LEAP2: variants seen among roughly 807,000 people sequenced by gnomAD.
LEAP2 encodes the protein liver enriched antimicrobial peptide 2, also known as liver-expressed antimicrobial peptide 2.
A neutral mutation model predicts 9.3 loss-of-function variants in LEAP2; 13 were observed. That is an observed-to-expected ratio of 1.39 (90% CI 0.91 to 2.21). The LOEUF (loss-of-function observed/expected upper bound fraction) is 2.21, where lower values mean the gene tolerates loss of function less well. Ranked by LOEUF, LEAP2 falls within the 30% of genes most tolerant of loss-of-function variation. The pLI is 0.00. For synonymous variants in LEAP2, 34 were observed against 34.9 expected (o/e 0.98, Z 0.09); for missense variants, 98 against 94.0 (o/e 1.04, Z -0.17).
Position 132,874,451 on chromosome 5 carries a change from C to T in LEAP2, c.*5C>T, listed in dbSNP as rs1003927671. On this transcript the variant is annotated 3_prime_UTR_variant, in exon 3 of 3. Coordinates refer to ENST00000296877, the MANE Select transcript of LEAP2 (RefSeq NM_052971.3). ...TTAAGTGTGGCCCAGGAATGATGTA[C>T]ATACCAGGGAAAGAAAGGACAGCAG... 3 of 1,612,576 alleles carry T rather than the reference C, an allele frequency of 1.9e-6. No homozygotes were observed. Among genetic ancestry groups the T allele is most frequent in the Non-Finnish European group, 2.5e-6 (3 of 1,178,604 alleles).
chr5:132,873,860 C>A, intron 1 of LEAP2, 90 bp from the exon 2 acceptor site: 2 of 1,589,662 alleles, frequency 1.3e-6, no homozygotes, highest in South Asian at 2.2e-5. Flanking sequence ...TGTTCTGAGT[C>A]TACAGCATCT....
Position 132,874,062 on chromosome 5 carries a change from A to C in LEAP2, c.170A>C (p.Asp57Ala), listed in dbSNP as rs180703491. The C allele has an allele frequency of 6.2e-7, 1 of 1,613,976 alleles. No homozygotes were observed. The highest frequency in any genetic ancestry group is 2.2e-5 in the East Asian group (1 of 44,870). ...CCTATTGGAGCCTCCTGCCGGGATG[A>C]TTCTGAGTGTATCACAAGGCTATGC... ...LRPIGASCRD[D>A]SECITRLCRK... The change falls in exon 2 of 3, where the codon GAT becomes GCT. Residue 57 changes from aspartate (D) to alanine (A), a missense_variant. Physicochemically the swap from Asp to Ala is moderately radical, Grantham distance 126 (BLOSUM62 -2). Transcript: ENST00000296877.
chr5:132,874,298 T>TA, intron 2 of LEAP2, 112 bp from the exon 3 acceptor site: 1 of 1,075,548 alleles, frequency 9.3e-7, no homozygotes, highest in South Asian at 1.3e-5. Context: ...TTTCCATTCT[T>TA]CAGTCTTTCC....
At position 132,873,812 on chromosome 5, in the gene LEAP2, A is replaced by G. The variant is rs1759775012; in HGVS notation, c.57+61A>G. ...GTGTGGAGATGATAGTGGTGGTGGA[A>G]CTTGAAAGCTAGATTCAGTCCTGAG... On this transcript the variant is annotated intron_variant, in intron 1 of 2. Coordinates refer to ENST00000296877, the MANE Select transcript of LEAP2 (RefSeq NM_052971.3). 2.5e-6 allele frequency: 4 copies of G among 1,582,474 alleles called. No individual in the cohort carries two copies. In the East Asian group the frequency reaches 8.9e-5, roughly 35 times the overall value.
chr5:132,874,013 T>C lies in LEAP2; in HGVS notation c.121T>C (p.Phe41Leu), dbSNP rs750232511. Residue 41 changes from phenylalanine (F) to leucine (L), a missense_variant, in exon 2 of 3, where the codon TTT becomes CTT. Transcript: ENST00000296877. ...AKRRPRRMTP[F>L]WRGVSLRPIG... is the part of the protein sequence containing the mutation. Reference sequence around the variant, plus strand: ...GAGAAGGCCACGGAGAATGACCCCATTTTGGAGAGGGGTTTCCCTCAGGCC... The same window carrying C: ...GAGAAGGCCACGGAGAATGACCCCACTTTGGAGAGGGGTTTCCCTCAGGCC... 10 of 1,613,758 alleles carry C rather than the reference T, an allele frequency of 6.2e-6. No individual in the cohort carries two copies. The highest frequency in any genetic ancestry group is 1.3e-5 in the African/African-American group (1 of 74,888).
chr5:132,874,279 A>G (rs1759785440), intron 2 of LEAP2, 131 bp from the exon 3 acceptor site: 2 of 989,594 alleles, frequency 2.0e-6, no homozygotes, highest in South Asian at 1.4e-5. Flanking sequence ...ACCATGAAAG[A>G]GTGGTGCCTT....
intron 1 of LEAP2, 32 bp from the exon 2 acceptor site, chr5:132,873,918 A>G: frequency 6.2e-7 from 1 of 1,612,510 alleles, no homozygotes; most frequent in Non-Finnish European, 8.5e-7. Context: ...GGGTGTCAAC[A>G]CTTTCATATC....
Position 132,874,542 on chromosome 5 carries a change from G to A in LEAP2, c.*96G>A. The A allele has an allele frequency of 1.9e-6, 2 of 1,038,632 alleles. No homozygotes were observed. Among genetic ancestry groups the A allele is most frequent in the Non-Finnish European group, 3.0e-6 (2 of 663,276 alleles). The allele number at this position is 1,038,632 out of a possible 1,614,324, so 64.3% of individuals were successfully genotyped here. A position where few individuals can be genotyped will look rare whatever the true frequency, so the allele number is the denominator to read the frequency against. On this transcript the variant is annotated 3_prime_UTR_variant, in exon 3 of 3. Coordinates refer to ENST00000296877, the MANE Select transcript of LEAP2 (RefSeq NM_052971.3). ...CTGCATTTTGGCTGGAGACACCCAA[G>A]TGAAGCAATCTTGTATTTTTAATAT...
At chr5:132,873,879 GAATGATCACTC>G (rs1759776306) in intron 1 of LEAP2, 60 bp from the exon 2 acceptor site, 6 of 1,600,774 alleles carry the variant, frequency 3.7e-6, no homozygotes, top group Non-Finnish European at 5.1e-6. Context: ...CTGCGGAATG[GAATGATCACTC>G]TTCCAAGGTG....
Position 132,873,976 on chromosome 5 carries a change from G to A in LEAP2, c.84G>A (p.Val28=). 6.2e-7 allele frequency: 1 copy of A among 1,614,192 alleles called. No homozygotes were observed. Among genetic ancestry groups the A allele is most frequent in the Non-Finnish European group, 8.5e-7 (1 of 1,180,018 alleles). ...TAGATGGCTCCCCAATACCAGAAGT[G>A]AGTTCGGCAAAGAGAAGGCCACGGA... ...GQIDGSPIPE[V]SSAKRRPRRM... is the part of the protein sequence containing the mutation. Residue 28 remains valine (V), a synonymous_variant, in exon 2 of 3, where the codon GTG becomes GTA. Transcript: ENST00000296877.
rs1422100897 is a variant in LEAP2 at position 132,874,941 on chromosome 5, G to A, written c.*495G>A. The A allele has an allele frequency of 5.2e-6, 1 of 192,120 alleles. No homozygotes were observed. The highest frequency in any genetic ancestry group is 1.0e-5 in the Non-Finnish European group (1 of 97,636). The allele number at this position is 192,120 out of a possible 1,614,324, so 11.9% of individuals were successfully genotyped here. ...TCAAGCTTGGGAGGCTGAGGCAGGA[G>A]AATCACTTGAACCTGGGAGGTGGAG... On this transcript the variant is annotated 3_prime_UTR_variant, in exon 3 of 3. Transcript: ENST00000296877.
chr5:132,873,710 C>T lies in LEAP2; in HGVS notation c.16C>T (p.Leu6Phe). 2 of 1,614,102 alleles carry T rather than the reference C, an allele frequency of 1.2e-6. No homozygotes were observed. Among genetic ancestry groups the T allele is most frequent in the Non-Finnish European group, 1.7e-6 (2 of 1,179,948 alleles). The change falls in exon 1 of 3, where the codon CTT becomes TTT. Residue 6 changes from leucine to phenylalanine, a missense_variant. Leu to Phe is a conservative substitution (Grantham distance 22, BLOSUM62 0). Coordinates refer to ENST00000296877, the MANE Select transcript of LEAP2 (RefSeq NM_052971.3). MWHLKLCAVLMIFLLL... is the reference protein window; with the variant it reads MWHLKFCAVLMIFLLL... ...CCCTGTCAAGATGTGGCACCTCAAA[C>T]TTTGTGCAGTCCTCATGATCTTCCT...
Position 132,873,988 on chromosome 5 carries a change from G to C in LEAP2, c.96G>C (p.Lys32Asn), listed in dbSNP as rs765504771. Residue 32 changes from lysine (K) to asparagine (N), a missense_variant, in exon 2 of 3, where the codon AAG becomes AAC. Transcript: ENST00000296877. Reference protein sequence around the residue: ...GSPIPEVSSAKRRPRRMTPFW... With the variant: ...GSPIPEVSSANRRPRRMTPFW... ...CAATACCAGAAGTGAGTTCGGCAAA[G>C]AGAAGGCCACGGAGAATGACCCCAT... The C allele has an allele frequency of 1.9e-6, 3 of 1,614,072 alleles. No individual in the cohort carries two copies. The highest frequency in any genetic ancestry group is 2.5e-6 in the Non-Finnish European group (3 of 1,180,032).
At position 132,874,509 on chromosome 5, in the gene LEAP2, T is replaced by C. The variant is rs748407670; in HGVS notation, c.*63T>C. The C allele has an allele frequency of 3.3e-5, 47 of 1,444,418 alleles. No homozygotes were observed. Among genetic ancestry groups the C allele is most frequent in the South Asian group, 8.0e-5 (7 of 87,304 alleles). The allele number at this position is 1,444,418 out of a possible 1,614,324, so 89.5% of individuals were successfully genotyped here. ...CGACAATGCTCCGTTCTATGGAATA[T>C]TGATTAACTGCATTTTGGCTGGAGA... is the stretch of plus-strand genomic sequence containing the variant. On this transcript the variant is annotated 3_prime_UTR_variant, in exon 3 of 3. Transcript: ENST00000296877.
At chr5:132,874,171 CT>C in intron 2 of LEAP2, 82 bp downstream of exon 2, 1 of 1,439,136 alleles carries the variant, frequency 6.9e-7, no homozygotes. Context: ...ACACATGAAC[CT>C]AAGAATAAAG....
Position 132,873,952 on chromosome 5 carries a change from A to G in LEAP2, c.60A>G (p.Ile20Met). 2 of 1,614,108 alleles carry G rather than the reference A, an allele frequency of 1.2e-6. No individual in the cohort carries two copies. The highest frequency in any genetic ancestry group is 1.7e-6 in the Non-Finnish European group (2 of 1,179,946). The part of the protein sequence containing the change: ...LMIFLLLLGQ[I>M]DGSPIPEVSS... ...TCTGAATGTCTTTGCCCTTACAGATAGATGGCTCCCCAATACCAGAAGTGA... is the reference window on the plus strand; with the variant it reads ...TCTGAATGTCTTTGCCCTTACAGATGGATGGCTCCCCAATACCAGAAGTGA... The change falls in exon 2 of 3, where the codon ATA becomes ATG. Residue 20 changes from isoleucine (I) to methionine (M), a missense_variant and splice_region_variant. Transcript: ENST00000296877.
Sources: gnomAD v4.1 joint callset for allele counts on GRCh38, gnomAD v4.1.1 for gene constraint, MANE v1.5 for transcripts, NCBI Gene and HGNC (gene_info 2026-07-23, HGNC 2026-07-21) for gene names.